The following AKAP6 variants were observed in gnomAD, a reference collection of about 807,000 sequenced individuals.
The protein encoded by AKAP6 is A-kinase anchor protein 6.
Under a neutral mutation model 188.5 loss-of-function variants are expected in AKAP6, and 58 were observed. The ratio of observed to expected loss-of-function variants is 0.31; its 90% CI spans 0.25 to 0.38. The LOEUF is 0.38. Ranked by LOEUF, AKAP6 falls within the 10% of genes least tolerant of loss-of-function variation. The pLI, the probability that AKAP6 is intolerant of heterozygous loss-of-function variation, is 1.00. For synonymous variants in AKAP6, 989 were observed against 998.6 expected, an observed-to-expected ratio of 0.99 and a Z score of 0.18; for missense variants, 2,710 against 2,740.0, an observed-to-expected ratio of 0.99 and a Z score of 0.24.
In AKAP6 at chr14:32,744,304, T is replaced by A. The variant is rs189949501; in HGVS notation, c.3372+8422T>A. Among the ~76,000 whole-genome samples, 305 of 151,754 alleles carry A rather than the reference T, an allele frequency of 2.0e-3. 2 individuals are homozygous for A. The highest frequency in any genetic ancestry group is 6.8e-3 in the African/African-American group (280 of 41,446). ...GGTGTTATATTCTGTTCTTTTTTTT[T>A]AATTATTTTATTTTATTTTATTTTA... On this transcript the variant is annotated intron_variant, in intron 11 of 13. Coordinates refer to ENST00000280979, the MANE Select transcript of AKAP6 (RefSeq NM_004274.5).
Position 32,419,395 on chromosome 14 carries a change from T to C in AKAP6, c.-34-14065T>C, listed in dbSNP as rs185131627. 2.6e-3 allele frequency among the ~76,000 whole-genome samples: 389 copies of C among 152,306 alleles called. 2 individuals are homozygous for C. The highest frequency in any genetic ancestry group is 8.1e-3 in the African/African-American group (338 of 41,578). On this transcript the variant is annotated intron_variant, in intron 1 of 13. Transcript: ENST00000280979. ...TAATGCTTTTGAAAATCGTGCTCTTTATGAAAGTTCATCACCCATGAAATG... is the reference window on the plus strand; with the variant it reads ...TAATGCTTTTGAAAATCGTGCTCTTCATGAAAGTTCATCACCCATGAAATG...
chr14:32,540,365 A>G (rs1882894329), intron 3 of AKAP6, among the ~76,000 whole-genome samples: 1 of 151,240 alleles, frequency 6.6e-6, no homozygotes, highest in South Asian at 2.1e-4. Flanking sequence ...CGCCCAGCTA[A>G]TTTTTGTATT....
intron 8 of AKAP6, among the ~76,000 whole-genome samples, chr14:32,687,970 G>A (rs1269355866): frequency 6.6e-6 from 1 of 151,982 alleles, no homozygotes; most frequent in Non-Finnish European, 1.5e-5. Flanking sequence ...ACGTTAAATC[G>A]ATTGTAGACC....
chr14:32,837,382 G>A lies in AKAP6; in HGVS notation c.*7577G>A, dbSNP rs1242857127. 10 of 152,132 alleles carry A rather than the reference G, an allele frequency of 6.6e-5. No individual in the cohort carries two copies. Among genetic ancestry groups the A allele is most frequent in the Admixed American group, 6.5e-4 (10 of 15,282 alleles). 9.4% of individuals were successfully genotyped at this position (152,132 alleles called of 1,614,324 possible). Reference sequence around the variant, plus strand: ...ACAGACGTAAAACAAATATTATTCAGTGAAATTTATTCAAGGACTTAAAAT... The same window carrying A: ...ACAGACGTAAAACAAATATTATTCAATGAAATTTATTCAAGGACTTAAAAT... On this transcript the variant is annotated 3_prime_UTR_variant, in exon 14 of 14. Transcript: ENST00000280979.
chr14:32,758,903 C>T (rs1268669664), intron 11 of AKAP6, among the ~76,000 whole-genome samples: 1 of 152,206 alleles, frequency 6.6e-6, no homozygotes, highest in Non-Finnish European at 1.5e-5. Flanking sequence ...ACCATCTCAA[C>T]TTGCAACAGT....
intron 9 of AKAP6, among the ~76,000 whole-genome samples, chr14:32,712,516 T>G (rs1221605879): frequency 6.6e-6 from 1 of 152,080 alleles, no homozygotes; most frequent in Admixed American, 6.6e-5. Context: ...CTTTCAAAAT[T>G]GGAGTTAATC....
At chr14:32,695,183 A>G (rs1890353104) in intron 8 of AKAP6, among the ~76,000 whole-genome samples, 1 of 152,178 alleles carries the variant, frequency 6.6e-6, no homozygotes, top group Non-Finnish European at 1.5e-5. Flanking sequence ...TGGCTATTCA[A>G]AGATTCATTG....
chr14:32,381,718 C>G (rs1951682), intron 1 of AKAP6, among the ~76,000 whole-genome samples: 8,488 of 152,082 alleles, frequency 0.056, 352 homozygotes, highest in African/African-American at 0.11. Flanking sequence ...CTTTAGTTAC[C>G]CCTATTCCTC....
intron 1 of AKAP6, among the ~76,000 whole-genome samples, chr14:32,367,490 TAA>T (rs1887872783): frequency 6.6e-6 from 1 of 152,234 alleles, no homozygotes; most frequent in East Asian, 1.9e-4. Flanking sequence ...CACCTAGAAT[TAA>T]AGTGAATAGA....
chr14:32,631,142 G>A (rs1025096840), intron 7 of AKAP6, among the ~76,000 whole-genome samples: 3 of 151,754 alleles, frequency 2.0e-5, no homozygotes, highest in Admixed American at 6.6e-5. Context: ...TGAGAGATTT[G>A]TTCTCATATT....
chr14:32,484,326 G>A lies in AKAP6; in HGVS notation c.324+50509G>A, dbSNP rs796626631. ...GTTGTAATGAAGTTAATGGCTCCTA[G>A]GATAGAGGAGATGCCTGCTAGATGC... On this transcript the variant is annotated intron_variant, in intron 2 of 13. Transcript: ENST00000280979. The A allele has an allele frequency of 1.5e-5, 2 of 135,078 alleles. 1 individual carries two copies. Among genetic ancestry groups the A allele is most frequent in the Non-Finnish European group, 2.2e-5 (2 of 92,068 alleles). 8.4% of individuals were successfully genotyped at this position (135,078 alleles called of 1,614,324 possible). A position where few individuals can be genotyped will look rare whatever the true frequency, so the allele number is the denominator to read the frequency against.
chr14:32,824,031 G>A lies in AKAP6; in HGVS notation c.6218G>A (p.Ser2073Asn). Residue 2073 changes from serine to asparagine, a missense_variant, in exon 13 of 14, where the codon AGT becomes AAT. Coordinates refer to ENST00000280979, the MANE Select transcript of AKAP6 (RefSeq NM_004274.5). The part of the protein sequence containing the change: ...IIDMASTALK[S>N]KSQPENEVAA... ...GACATGGCTTCGACAGCCCTAAAAA[G>A]TAAATCTCAACCTGAAAACGAGGTG... is the stretch of plus-strand genomic sequence containing the variant. 2.5e-6 allele frequency: 4 copies of A among 1,613,844 alleles called. No individual in the cohort carries two copies. The highest frequency in any genetic ancestry group is 2.2e-5 in the South Asian group (2 of 91,076).
intron 7 of AKAP6, among the ~76,000 whole-genome samples, chr14:32,666,308 T>C (rs1036704937): frequency 1.3e-5 from 2 of 152,064 alleles, no homozygotes; most frequent in African/African-American, 4.8e-5. Flanking sequence ...AAATGTATTT[T>C]CTCCTTTTTA....
rs767913326 is a variant in AKAP6, at chr14:32,758,594, G to A, written c.3373-15084G>A. Among the ~76,000 whole-genome samples the A allele has an allele frequency of 5.3e-5, 8 of 152,066 alleles. No individual in the cohort carries two copies. The East Asian group carries it at 1.2e-3, about 22-fold the overall frequency. ...ACTAAAAATACAAAATTATCCAGGC[G>A]TGGTGGCACATGCCTGTAATCCCAG... On this transcript the variant is annotated intron_variant, in intron 11 of 13. Coordinates refer to ENST00000280979, the MANE Select transcript of AKAP6 (RefSeq NM_004274.5).
intron 2 of AKAP6, among the ~76,000 whole-genome samples, chr14:32,535,162 T>C (rs1313279442): frequency 6.6e-6 from 1 of 152,100 alleles, no homozygotes; most frequent in Non-Finnish European, 1.5e-5. Context: ...GTTTCTAACC[T>C]GAAATATTGT....
At position 32,545,332 on chromosome 14, in the gene AKAP6, C is replaced by G; in HGVS notation, c.679C>G (p.Leu227Val). 3 of 1,614,198 alleles carry G rather than the reference C, an allele frequency of 1.9e-6. No homozygotes were observed. Among genetic ancestry groups the G allele is most frequent in the Non-Finnish European group, 2.5e-6 (3 of 1,180,018 alleles). The change falls in exon 4 of 14, where the codon CTG becomes GTG. Residue 227 changes from leucine (L) to valine (V), a missense_variant. This residue lies in a region of AKAP6 where 237 missense variants were observed against 313.9 expected (regional missense o/e 0.76). Coordinates refer to ENST00000280979, the MANE Select transcript of AKAP6 (RefSeq NM_004274.5). Reference sequence around the variant, plus strand: ...GGATTGTGGCATTACTGCATTCGAACTGTCTGACTACAGTCCAAGTGAGGA... The same window carrying G: ...GGATTGTGGCATTACTGCATTCGAAGTGTCTGACTACAGTCCAAGTGAGGA... Reference protein sequence around the residue: ...SLDCGITAFELSDYSPSEDLL... With the variant: ...SLDCGITAFEVSDYSPSEDLL...
chr14:32,511,082 T>C (rs981810069), intron 2 of AKAP6, among the ~76,000 whole-genome samples: 1 of 152,218 alleles, frequency 6.6e-6, no homozygotes, highest in Admixed American at 6.5e-5. Flanking sequence ...TGTAAGTGAA[T>C]GGACAAGCAA....
intron 2 of AKAP6, chr14:32,442,576 T>C (rs1208775132): frequency 6.6e-6 from 1 of 151,146 alleles, no homozygotes; most frequent in East Asian, 1.9e-4. Context: ...TGATCAGTAG[T>C]GGGATCACGC....
Position 32,546,988 on chromosome 14 carries a change from G to GA in AKAP6, c.2341dup (p.Ile781AsnfsTer10). 2 of 1,586,582 alleles carry GA rather than the reference G, an allele frequency of 1.3e-6. No individual in the cohort carries two copies. Among genetic ancestry groups the GA allele is most frequent in the Non-Finnish European group, 8.5e-7 (1 of 1,174,268 alleles). ...CCAAGACAACTATGAAGCCATATGG[G>GA]AAAAAATAGAGGTAAGGTGGTTTTC... On this transcript the variant is annotated frameshift_variant, in exon 4 of 14. Coordinates refer to ENST00000280979, the MANE Select transcript of AKAP6 (RefSeq NM_004274.5). LOFTEE classifies it high-confidence loss of function.
Sources: allele counts gnomAD v4.1 joint callset (sites outside exome capture counted in the v4.1 genomes callset), GRCh38; gene constraint gnomAD v4.1.1; regional missense constraint gnomAD v4.1.1; transcripts MANE v1.5; gene names NCBI Gene and HGNC (gene_info 2026-07-23, HGNC 2026-07-21).